FGF12: variants seen among roughly 807,000 people sequenced by gnomAD.
FGF12 encodes fibroblast growth factor 12, also known as fibroblast growth factor 12B.
A neutral mutation model predicts 23.6 loss-of-function variants in FGF12; 14 were observed. The ratio of observed to expected loss-of-function variants is 0.59; its 90% CI spans 0.39 to 0.93. The LOEUF is 0.93. Ranked by LOEUF, FGF12 falls within the 40% of genes least tolerant of loss-of-function variation. The pLI, the probability that FGF12 is intolerant of heterozygous loss-of-function variation, is 0.00. For synonymous variants in FGF12, 62 were observed against 77.3 expected, an observed-to-expected ratio of 0.80 and a Z score of 1.04; for missense variants, 175 against 217.8, an observed-to-expected ratio of 0.80 and a Z score of 1.24.
At chr3:192,677,238 G>C (rs1186892895) in intron 2 of FGF12, among the ~76,000 whole-genome samples, 1 of 152,246 alleles carries the variant, frequency 6.6e-6, no homozygotes. Context: ...CCCACACTGA[G>C]AGTTAACTGG....
chr3:192,646,778 A>G (rs1181010040), intron 2 of FGF12, among the ~76,000 whole-genome samples: 2 of 152,172 alleles, frequency 1.3e-5, no homozygotes, highest in Non-Finnish European at 2.9e-5. Context: ...GTGTTCTGGA[A>G]TTTGATAATG....
chr3:192,441,140 G>C (rs1401850540), intron 2 of FGF12, among the ~76,000 whole-genome samples: 2 of 152,114 alleles, frequency 1.3e-5, no homozygotes, highest in Non-Finnish European at 2.9e-5. Flanking sequence ...GTAAAACTGG[G>C]CAAATTATTT....
intron 2 of FGF12, among the ~76,000 whole-genome samples, chr3:192,577,092 A>T (rs999085249): frequency 6.6e-6 from 1 of 152,134 alleles, no homozygotes; most frequent in Non-Finnish European, 1.5e-5. Context: ...CATTAGGAGA[A>T]ATACCTAATG....
chr3:192,208,005 A>T (rs937258536), intron 4 of FGF12, among the ~76,000 whole-genome samples: 2 of 152,198 alleles, frequency 1.3e-5, no homozygotes, highest in African/African-American at 4.8e-5. Flanking sequence ...GCTTCATAAA[A>T]GGATTCATTT....
intron 4 of FGF12, among the ~76,000 whole-genome samples, chr3:192,323,082 C>T (rs1292212110): frequency 6.6e-6 from 1 of 152,050 alleles, no homozygotes; most frequent in Non-Finnish European, 1.5e-5. Context: ...CAAAGCCTGG[C>T]AAAGATGTGA....
intron 2 of FGF12, among the ~76,000 whole-genome samples, chr3:192,567,791 TTC>T (rs1299763975): frequency 1.6e-5 from 2 of 124,658 alleles, no homozygotes; most frequent in African/African-American, 5.8e-5. Flanking sequence ...CTTTCTTTCT[TTC>T]TTTCTTTCTC....
At chr3:192,201,144 T>C (rs190252850) in intron 4 of FGF12, among the ~76,000 whole-genome samples, 153 of 152,334 alleles carry the variant, frequency 1.0e-3, no homozygotes, top group African/African-American at 3.3e-3. Flanking sequence ...GGGAATGAGA[T>C]GATGTATGAA....
rs1003557994 is a variant in FGF12, at chr3:192,217,113, G to A, written c.229-46457C>T. On this transcript the variant is annotated intron_variant, in intron 4 of 5. Transcript: ENST00000445105. ...CCTGGCTTCACATCCCCACCCAGCC[G>A]ATAACTAGCTTTCTGGCACTGTGCA... is the stretch of plus-strand genomic sequence containing the variant. Among the ~76,000 whole-genome samples, 6 of 152,234 alleles carry A rather than the reference G, an allele frequency of 3.9e-5. 1 individual carries two copies. The highest frequency in any genetic ancestry group is 2.9e-5 in the Non-Finnish European group (2 of 68,026).
At chr3:192,642,896 C>A (rs1715860376) in intron 2 of FGF12, among the ~76,000 whole-genome samples, 1 of 152,208 alleles carries the variant, frequency 6.6e-6, no homozygotes, top group African/African-American at 2.4e-5. Flanking sequence ...GGAGTCCTGC[C>A]CAATCCATCT....
rs569851823 is a variant in FGF12, at chr3:192,479,200, T to A, written c.14-118662A>T. ...CTCCTCACCAGTGTCTAAAAGGAAT[T>A]ATTCCACTTCCAAGGCCACAGGAGA... On this transcript the variant is annotated intron_variant, in intron 2 of 5. Transcript: ENST00000445105. Among the ~76,000 whole-genome samples the A allele has an allele frequency of 4.6e-5, 7 of 152,164 alleles. No homozygotes were observed. The South Asian group carries it at 1.5e-3, about 32-fold the overall frequency.
At chr3:192,225,042 C>A (rs1202435938) in intron 4 of FGF12, among the ~76,000 whole-genome samples, 7 of 152,044 alleles carry the variant, frequency 4.6e-5, no homozygotes. Flanking sequence ...CACATTTACA[C>A]AAACACAAGT....
At chr3:192,665,777 A>T (rs952892057) in intron 2 of FGF12, among the ~76,000 whole-genome samples, 2 of 118,270 alleles carry the variant, frequency 1.7e-5, no homozygotes, top group Non-Finnish European at 3.8e-5. Context: ...CAGAACTTAA[A>T]GTAAAATTTT....
At chr3:192,502,830 A>C (rs777166957) in intron 2 of FGF12, among the ~76,000 whole-genome samples, 7 of 152,376 alleles carry the variant, frequency 4.6e-5, no homozygotes, top group Middle Eastern at 3.4e-3. Flanking sequence ...CTAGGCTAGA[A>C]GTTAAAGAGA....
intron 3 of FGF12, among the ~76,000 whole-genome samples, chr3:192,343,986 C>T (rs965578296): frequency 6.7e-6 from 1 of 149,908 alleles, no homozygotes; most frequent in Non-Finnish European, 1.5e-5. Flanking sequence ...TTGGTGACTC[C>T]AAGTAATTTA....
intron 2 of FGF12, among the ~76,000 whole-genome samples, chr3:192,578,671 G>A (rs986687038): frequency 2.0e-5 from 3 of 151,718 alleles, no homozygotes; most frequent in Admixed American, 6.6e-5. Context: ...TTACTTGCTG[G>A]ACATTCAAAT....
In FGF12 at chr3:192,308,018, C is replaced by T. The variant is rs184083288; in HGVS notation, c.228+27343G>A. ...TTGAGAATAAAGACCAAGAAACGCA[C>T]GTTAGAAATCTTAAGAAATGAATTT... On this transcript the variant is annotated intron_variant, in intron 4 of 5. Coordinates refer to ENST00000445105, the MANE Select transcript of FGF12 (RefSeq NM_004113.6). Among the ~76,000 whole-genome samples, 122 of 152,210 alleles carry T rather than the reference C, an allele frequency of 8.0e-4. No individual in the cohort carries two copies. In the South Asian group the frequency reaches 8.3e-3, roughly 10 times the overall value.
At chr3:192,396,514 G>T (rs936359418) in intron 2 of FGF12, among the ~76,000 whole-genome samples, 1 of 152,176 alleles carries the variant, frequency 6.6e-6, no homozygotes, top group African/African-American at 2.4e-5. Flanking sequence ...TTCAGTCCTT[G>T]CTCTGCCTTT....
At chr3:192,338,334 C>T (rs769484003) in intron 3 of FGF12, among the ~76,000 whole-genome samples, 13 of 152,218 alleles carry the variant, frequency 8.5e-5, no homozygotes, top group African/African-American at 2.4e-4. Context: ...CCACCTGTCT[C>T]GGCCTCCCCT....
At chr3:192,334,059 T>A (rs986083811) in intron 4 of FGF12, among the ~76,000 whole-genome samples, 3 of 152,104 alleles carry the variant, frequency 2.0e-5, no homozygotes, top group Non-Finnish European at 2.9e-5. Context: ...GACTTCTGTC[T>A]TTCTTCCTGT....
Sources: allele counts gnomAD v4.1 joint callset (sites outside exome capture counted in the v4.1 genomes callset), GRCh38; gene constraint gnomAD v4.1.1; transcripts MANE v1.5; gene names NCBI Gene and HGNC (gene_info 2026-07-23, HGNC 2026-07-21).